TBC1D5: variants seen among roughly 807,000 people sequenced by gnomAD.
TBC1D5 encodes the protein TBC1 domain family, member 5.
In TBC1D5, 75 loss-of-function variants were observed where a neutral mutation model predicts 100.3. That is an observed-to-expected ratio of 0.75 (90% confidence interval 0.62 to 0.91). The LOEUF (loss-of-function observed/expected upper bound fraction) is 0.91. TBC1D5 is among the 40% of genes least tolerant of loss of function. The pLI is 0.00. For synonymous variants in TBC1D5, 323 were observed against 325.6 expected (o/e 0.99, Z 0.09); for missense variants, 910 against 942.4 (o/e 0.97, Z 0.45).
rs33956978 is a variant in TBC1D5 at position 17,602,561 on chromosome 3, ATTTTTTTTTT to A, written c.-36+21278_-36+21287del. Reference sequence around the variant, plus strand: ...TTATGCCATAATACGAGAGAATCAGATTTTTTTTTTTTTTTTTTTTTTTTTTTTTGAGACG... The same window carrying A: ...TTATGCCATAATACGAGAGAATCAGATTTTTTTTTTTTTTTTTTTGAGACG... On this transcript the variant is annotated intron_variant, in intron 2 of 21. Transcript: ENST00000253692. Among the ~76,000 whole-genome samples, 7 of 74,518 alleles carry A rather than the reference ATTTTTTTTTT, an allele frequency of 9.4e-5. No individual in the cohort carries two copies. In the South Asian group the frequency reaches 2.8e-3, roughly 30 times the overall value. The allele number at this position is 74,518 out of a possible 152,430, so 48.9% of individuals were successfully genotyped here. A position where few individuals can be genotyped will look rare whatever the true frequency, so the allele number is the denominator to read the frequency against.
chr3:17,620,256 A>AG (rs1239782621), intron 2 of TBC1D5, among the ~76,000 whole-genome samples: 5 of 152,228 alleles, frequency 3.3e-5, no homozygotes, highest in Admixed American at 6.5e-5. Context: ...CTGGGATTAC[A>AG]GGGGCAAGCC....
chr3:17,393,138 G>C (rs890807998), intron 8 of TBC1D5, among the ~76,000 whole-genome samples: 5 of 148,708 alleles, frequency 3.4e-5, no homozygotes, highest in African/African-American at 1.2e-4. Context: ...TTCCATGTTT[G>C]TTGGCCGCAT....
At chr3:17,177,735 ATTT>A (rs368313524) in intron 19 of TBC1D5, among the ~76,000 whole-genome samples, 6 of 149,238 alleles carry the variant, frequency 4.0e-5, no homozygotes, top group South Asian at 2.1e-4. Context: ...GGCATCTTAA[ATTT>A]TTTTTTTTAT....
chr3:17,194,049 C>T (rs956823048), intron 18 of TBC1D5, among the ~76,000 whole-genome samples: 12 of 152,252 alleles, frequency 7.9e-5, no homozygotes, highest in African/African-American at 2.9e-4. Flanking sequence ...AATGCAGAGT[C>T]TGATTTAGTA....
chr3:17,399,467 C>T (rs537693718), intron 8 of TBC1D5, among the ~76,000 whole-genome samples: 1 of 152,216 alleles, frequency 6.6e-6, no homozygotes, highest in African/African-American at 2.4e-5. Context: ...ACATAAAATA[C>T]ATATCCCCAA....
chr3:17,494,151 C>T (rs1183426209), intron 3 of TBC1D5, among the ~76,000 whole-genome samples: 2 of 152,134 alleles, frequency 1.3e-5, no homozygotes, highest in African/African-American at 4.8e-5. Flanking sequence ...AACAGTCAGG[C>T]CCTTCTTCCA....
intron 1 of TBC1D5, among the ~76,000 whole-genome samples, chr3:17,663,762 G>T (rs1481330317): frequency 6.6e-6 from 1 of 152,160 alleles, no homozygotes; most frequent in Non-Finnish European, 1.5e-5. Context: ...AGTAGTATAT[G>T]TAACAGTGGA....
At chr3:17,285,668 C>T (rs987718365) in intron 15 of TBC1D5, among the ~76,000 whole-genome samples, 2 of 152,184 alleles carry the variant, frequency 1.3e-5, no homozygotes, top group Non-Finnish European at 1.5e-5. Context: ...GATCCATCCA[C>T]TACTTTTCAA....
At chr3:17,288,403 G>A (rs1409256739) in intron 15 of TBC1D5, among the ~76,000 whole-genome samples, 1 of 152,150 alleles carries the variant, frequency 6.6e-6, no homozygotes, top group Non-Finnish European at 1.5e-5. Context: ...ACAGTTTAAA[G>A]CCTAGCTACA....
intron 8 of TBC1D5, among the ~76,000 whole-genome samples, chr3:17,391,849 G>T (rs1256611036): frequency 1.3e-5 from 2 of 152,136 alleles, no homozygotes; most frequent in Non-Finnish European, 2.9e-5. Flanking sequence ...AATAAACTGA[G>T]TGATCTAGCT....
At chr3:17,445,055 T>C (rs1057389779) in intron 3 of TBC1D5, among the ~76,000 whole-genome samples, 1 of 152,188 alleles carries the variant, frequency 6.6e-6, no homozygotes, top group African/African-American at 2.4e-5. Context: ...TTCATAATAC[T>C]GACACTTGCC....
intron 19 of TBC1D5, 41 bp downstream of exon 20, chr3:17,185,068 G>T: frequency 6.4e-7 from 1 of 1,568,218 alleles, no homozygotes; most frequent in South Asian, 1.1e-5. Flanking sequence ...CTATTATTGT[G>T]ATGAGTCTCA....
intron 3 of TBC1D5, among the ~76,000 whole-genome samples, chr3:17,498,334 A>G (rs1378613033): frequency 6.6e-6 from 1 of 152,194 alleles, no homozygotes; most frequent in African/African-American, 2.4e-5. Flanking sequence ...CATTCCAGCC[A>G]AAGTATACAG....
chr3:17,393,056 G>A (rs1282735311), intron 8 of TBC1D5, among the ~76,000 whole-genome samples: 2 of 131,970 alleles, frequency 1.5e-5, no homozygotes, highest in Non-Finnish European at 3.0e-5. Flanking sequence ...ATTCTAACTG[G>A]TGTGTGATGG....
rs556841413 is a variant in TBC1D5, at chr3:17,471,900, C to T, written c.97+36574G>A. On this transcript the variant is annotated intron_variant, in intron 3 of 21. Transcript: ENST00000253692. Reference sequence around the variant, plus strand: ...CAGAGATAAAATGCACTGAATTACACATTTGCTGTGGGAGGCGGTCAGAAC... The same window carrying T: ...CAGAGATAAAATGCACTGAATTACATATTTGCTGTGGGAGGCGGTCAGAAC... Among the ~76,000 whole-genome samples, 254 of 152,152 alleles carry T rather than the reference C, an allele frequency of 1.7e-3. 2 individuals carry two copies. The highest frequency in any genetic ancestry group is 5.9e-3 in the African/African-American group (244 of 41,530).
At chr3:17,381,489 G>A (rs112192784) in intron 9 of TBC1D5, among the ~76,000 whole-genome samples, 2 of 151,976 alleles carry the variant, frequency 1.3e-5, no homozygotes, top group African/African-American at 4.8e-5. Context: ...TGAAAAGAAA[G>A]CAGAAAAACA....
chr3:17,406,754 A>G, intron 4 of TBC1D5: 1 of 493,466 alleles, frequency 2.0e-6, no homozygotes, highest in Middle Eastern at 5.2e-4. Flanking sequence ...ACTGAAATTC[A>G]TAATGTCTAT....
intron 15 of TBC1D5, among the ~76,000 whole-genome samples, chr3:17,262,915 G>A (rs1173765278): frequency 6.6e-6 from 1 of 151,526 alleles, no homozygotes; most frequent in Admixed American, 6.6e-5. Context: ...CATGTCCTGG[G>A]AAGTTTATAT....
chr3:17,313,642 G>A (rs1033235180), intron 13 of TBC1D5, among the ~76,000 whole-genome samples: 1 of 152,006 alleles, frequency 6.6e-6, no homozygotes, highest in Non-Finnish European at 1.5e-5. Context: ...AGCACTTTTC[G>A]ACTTCCTCTG....
Sources: gnomAD v4.1 joint callset for allele counts (sites outside exome capture counted in the v4.1 genomes callset) on GRCh38, gnomAD v4.1.1 for gene constraint, MANE v1.5 for transcripts, NCBI Gene and HGNC (gene_info 2026-07-23, HGNC 2026-07-21) for gene names.